The following MGMT variants were observed in gnomAD, a reference collection of about 807,000 sequenced individuals.
MGMT encodes the protein O-6-methylguanine-DNA methyltransferase.
Under a neutral mutation model 15.9 loss-of-function variants are expected in MGMT, and 14 were observed. The ratio of observed to expected loss-of-function variants is 0.88; its 90% CI spans 0.58 to 1.37. MGMT has a LOEUF of 1.37. Ranked by LOEUF, MGMT falls within the 40% of genes most tolerant of loss-of-function variation. MGMT has a pLI of 0.00. For synonymous variants in MGMT, 130 were observed against 118.2 expected (o/e 1.10, Z -0.65); for missense variants, 282 against 268.1 (o/e 1.05, Z -0.36).
At chr10:129,472,031 A>G (rs1367265644) in intron 1 of MGMT, among the ~76,000 whole-genome samples, 1 of 152,236 alleles carries the variant, frequency 6.6e-6, no homozygotes, top group Non-Finnish European at 1.5e-5. Context: ...TTACAAACAC[A>G]CGCGAAGCAC....
At chr10:129,736,856 A>G (rs1848568593) in intron 3 of MGMT, among the ~76,000 whole-genome samples, 1 of 152,124 alleles carries the variant, frequency 6.6e-6, no homozygotes, top group Non-Finnish European at 1.5e-5. Flanking sequence ...TGGGTTGAAA[A>G]TTCTTTTCTT....
rs117401237 is a variant in MGMT at position 129,585,161 on chromosome 10, C to T, written c.125+48784C>T. ...TTCCATGTTGTCTTTTTGATTTTAG[C>T]CATCCTAAAGGGCGAGAAAGATATC... On this transcript the variant is annotated intron_variant, in intron 2 of 4. Coordinates refer to ENST00000651593, the MANE Select transcript of MGMT (RefSeq NM_002412.5). Among the ~76,000 whole-genome samples, 1,185 of 152,210 alleles carry T rather than the reference C, an allele frequency of 7.8e-3. 11 individuals are homozygous for T. Among genetic ancestry groups the T allele is most frequent in the Middle Eastern group, 0.044 (13 of 294 alleles).
intron 1 of MGMT, among the ~76,000 whole-genome samples, chr10:129,508,874 T>C (rs1380161613): frequency 1.3e-5 from 2 of 152,104 alleles, no homozygotes; most frequent in African/African-American, 4.8e-5. Flanking sequence ...AAAACCCCAT[T>C]AAATAGCTCA....
At chr10:129,669,622 A>G (rs1387486587) in intron 2 of MGMT, among the ~76,000 whole-genome samples, 2 of 152,226 alleles carry the variant, frequency 1.3e-5, no homozygotes, top group African/African-American at 4.8e-5. Flanking sequence ...AAGCTCTTCA[A>G]TTGCACAGTT....
At chr10:129,469,081 G>C (rs146589065) in intron 1 of MGMT, among the ~76,000 whole-genome samples, 1 of 152,140 alleles carries the variant, frequency 6.6e-6, no homozygotes, top group East Asian at 1.9e-4. Flanking sequence ...CTTACTTTTC[G>C]TTGTTTGGGT....
At chr10:129,624,862 C>T (rs567700) in intron 2 of MGMT, among the ~76,000 whole-genome samples, 62,336 of 151,922 alleles carry the variant, frequency 0.41, 13,858 homozygotes, top group East Asian at 0.62. Context: ...CCACATGAAG[C>T]GGCTATGTAA....
rs1246302734 is a variant in MGMT, at chr10:129,735,281, A to T, written c.275-23921A>T. On this transcript the variant is annotated intron_variant, in intron 3 of 4. Transcript: ENST00000651593. ...CAGAGATTCAACTTCTTCCTGGTTT[A>T]GTCTTGGGAGAGTGTATGTGTCAAG... is the stretch of plus-strand genomic sequence containing the variant. Among the ~76,000 whole-genome samples, 6 of 152,240 alleles carry T rather than the reference A, an allele frequency of 3.9e-5. No homozygotes were observed. The East Asian group carries it at 1.2e-3, about 29-fold the overall frequency.
At chr10:129,685,419 C>T (rs895786493) in intron 2 of MGMT, among the ~76,000 whole-genome samples, 3 of 152,206 alleles carry the variant, frequency 2.0e-5, no homozygotes, top group Admixed American at 1.3e-4. Context: ...CTGTCTTCCC[C>T]TCCCTGTCTA....
At chr10:129,611,416 T>C (rs1846958326) in intron 2 of MGMT, among the ~76,000 whole-genome samples, 2 of 152,144 alleles carry the variant, frequency 1.3e-5, no homozygotes, top group Admixed American at 6.5e-5. Context: ...ACTCACTCAC[T>C]ATCATGAGAA....
chr10:129,704,954 G>A (rs1451105991), intron 2 of MGMT, among the ~76,000 whole-genome samples: 4 of 152,238 alleles, frequency 2.6e-5, no homozygotes, highest in Middle Eastern at 3.4e-3. Flanking sequence ...ACCTCAAAGC[G>A]AAGTAACCCT....
intron 3 of MGMT, among the ~76,000 whole-genome samples, chr10:129,734,957 G>T (rs1392973070): frequency 2.0e-5 from 3 of 152,138 alleles, no homozygotes; most frequent in Non-Finnish European, 4.4e-5. Context: ...GCTGGATTCG[G>T]TTTGCCAGTA....
In MGMT at chr10:129,640,587, A is replaced by G. The variant is rs547924237; in HGVS notation, c.126-67308A>G. Among the ~76,000 whole-genome samples the G allele has an allele frequency of 3.3e-3, 356 of 108,792 alleles. 2 individuals carry two copies. Among genetic ancestry groups the G allele is most frequent in the African/African-American group, 0.013 (342 of 27,084 alleles). The allele number at this position is 108,792 out of a possible 152,430, so 71.4% of individuals were successfully genotyped here. A position where few individuals can be genotyped will look rare whatever the true frequency, so the allele number is the denominator to read the frequency against. On this transcript the variant is annotated intron_variant, in intron 2 of 4. Transcript: ENST00000651593. ...GTCTGTTCTAGAAAATTCTTCCAGA[A>G]AATACACGAGGAAATACTTTCCAAC... is the stretch of plus-strand genomic sequence containing the variant.
chr10:129,623,597 A>G (rs1847114049), intron 2 of MGMT, among the ~76,000 whole-genome samples: 1 of 152,180 alleles, frequency 6.6e-6, no homozygotes, highest in Non-Finnish European at 1.5e-5. Flanking sequence ...GATGGAGTAC[A>G]GTGGTGCAAT....
chr10:129,500,377 G>C (rs975120396), intron 1 of MGMT, among the ~76,000 whole-genome samples: 1 of 152,096 alleles, frequency 6.6e-6, no homozygotes, highest in African/African-American at 2.4e-5. Flanking sequence ...GAAGAGGCAG[G>C]GCTCTGGGGA....
At chr10:129,598,755 TTG>T (rs1846782643) in intron 2 of MGMT, among the ~76,000 whole-genome samples, 2 of 152,200 alleles carry the variant, frequency 1.3e-5, no homozygotes, top group African/African-American at 4.8e-5. Flanking sequence ...GTAGATGTGC[TTG>T]TCTTGTATAT....
chr10:129,756,389 C>G (rs1200283314), intron 3 of MGMT, among the ~76,000 whole-genome samples: 1 of 152,134 alleles, frequency 6.6e-6, no homozygotes, highest in Non-Finnish European at 1.5e-5. Flanking sequence ...TCGGAGGCCG[C>G]GTCACAGAGC....
intron 3 of MGMT, among the ~76,000 whole-genome samples, chr10:129,756,996 C>T (rs1451059044): frequency 2.0e-5 from 3 of 152,336 alleles, no homozygotes; most frequent in South Asian, 2.1e-4. Context: ...GGCTAGGGTT[C>T]GAAGCACTGT....
At chr10:129,565,073 G>A (rs761441755) in intron 2 of MGMT, among the ~76,000 whole-genome samples, 3 of 152,254 alleles carry the variant, frequency 2.0e-5, no homozygotes, top group Non-Finnish European at 2.9e-5. Flanking sequence ...CTTGGGAAGG[G>A]GGAAAGAGGG....
At chr10:129,601,161 C>T (rs72838516) in intron 2 of MGMT, among the ~76,000 whole-genome samples, 4,698 of 151,742 alleles carry the variant, frequency 0.031, 115 homozygotes, top group South Asian at 0.065. Context: ...ACATTTGAAC[C>T]GCAAATGATT....
Sources: allele counts gnomAD v4.1 joint callset (sites outside exome capture counted in the v4.1 genomes callset), GRCh38; gene constraint gnomAD v4.1.1; transcripts MANE v1.5; gene names NCBI Gene and HGNC (gene_info 2026-07-23, HGNC 2026-07-21).